Variants in ZNF638 observed in about 807,000 individuals in gnomAD.
The protein encoded by ZNF638 is CTCL tumor antigen se33-1.
In ZNF638, 46 loss-of-function variants were observed where a neutral mutation model predicts 195.6. That is an observed-to-expected ratio of 0.24 (90% CI 0.19 to 0.30). The LOEUF (loss-of-function observed/expected upper bound fraction) is 0.30. Ranked by LOEUF, ZNF638 falls within the 10% of genes least tolerant of loss-of-function variation. ZNF638 has a pLI of 1.00. For synonymous variants in ZNF638, 845 were observed against 772.0 expected (o/e 1.09, Z -1.57); for missense variants, 2,440 against 2,325.3 (o/e 1.05, Z -1.01).
At chr2:71,389,119 C>T (rs929704872) in intron 10 of ZNF638, among the ~76,000 whole-genome samples, 29 of 152,238 alleles carry the variant, frequency 1.9e-4, no homozygotes, top group African/African-American at 5.5e-4. Context: ...ACCTTACCGC[C>T]GCCTCCTCTT....
chr2:71,367,992 G>A (rs1053186107), intron 6 of ZNF638, among the ~76,000 whole-genome samples: 2 of 152,044 alleles, frequency 1.3e-5, no homozygotes, highest in Admixed American at 6.5e-5. Flanking sequence ...GAACAGAGGG[G>A]GTAAGCAAAG....
intron 10 of ZNF638, among the ~76,000 whole-genome samples, chr2:71,391,183 T>C (rs1031465974): frequency 7.2e-5 from 11 of 152,242 alleles, no homozygotes; most frequent in Admixed American, 2.6e-4. Flanking sequence ...ACTTACGGGC[T>C]ATCAGTGGCA....
At chr2:71,432,825 G>A (rs902292344) in intron 26 of ZNF638, among the ~76,000 whole-genome samples, 7 of 152,300 alleles carry the variant, frequency 4.6e-5, no homozygotes, top group Middle Eastern at 6.8e-3. Flanking sequence ...TGGCTCACAC[G>A]TGTAATCCCA....
At chr2:71,376,229 A>T (rs189151141) in intron 8 of ZNF638, 5 of 152,334 alleles carry the variant, frequency 3.3e-5, no homozygotes, top group South Asian at 2.1e-4. Flanking sequence ...GGCAAATATT[A>T]ATGTTCTTCA....
At chr2:71,425,264 T>C (rs971880225) in intron 23 of ZNF638, among the ~76,000 whole-genome samples, 4 of 152,176 alleles carry the variant, frequency 2.6e-5, no homozygotes, top group Non-Finnish European at 5.9e-5. Flanking sequence ...AGGGGATAGA[T>C]TTGGGCCTAT....
chr2:71,404,954 A>G (rs924784621), intron 17 of ZNF638, among the ~76,000 whole-genome samples: 2 of 152,206 alleles, frequency 1.3e-5, no homozygotes, highest in South Asian at 4.1e-4. Flanking sequence ...TTCTAGAGGC[A>G]GGTAGAAATG....
At chr2:71,362,351 C>T (rs1201780446) in intron 3 of ZNF638, among the ~76,000 whole-genome samples, 1 of 152,186 alleles carries the variant, frequency 6.6e-6, no homozygotes, top group Non-Finnish European at 1.5e-5. Context: ...TCTCAGCTCT[C>T]ATCTTTTCCC....
intron 1 of ZNF638, among the ~76,000 whole-genome samples, chr2:71,342,445 T>G (rs2078777878): frequency 6.6e-6 from 1 of 152,122 alleles, no homozygotes; most frequent in Non-Finnish European, 1.5e-5. Flanking sequence ...CAGATTATTT[T>G]AAAGAAAATC....
At chr2:71,346,198 G>A (rs1183753787) in intron 1 of ZNF638, among the ~76,000 whole-genome samples, 1 of 152,198 alleles carries the variant, frequency 6.6e-6, no homozygotes, top group Non-Finnish European at 1.5e-5. Context: ...GTTATAAGAG[G>A]AGTCTTCACC....
At chr2:71,422,739 T>G in intron 21 of ZNF638, 75 bp from the exon 22 acceptor site, 2 of 1,457,824 alleles carry the variant, frequency 1.4e-6, no homozygotes, top group East Asian at 4.8e-5. Flanking sequence ...TTATAATGGT[T>G]GAATTCTCAT....
intron 17 of ZNF638, 34 bp from the exon 18 acceptor site, chr2:71,405,567 A>G (rs2080090474): frequency 4.3e-6 from 6 of 1,387,234 alleles, no homozygotes; most frequent in Non-Finnish European, 6.0e-6. Flanking sequence ...GAAAGAGCTT[A>G]TACCATCAAC....
intron 6 of ZNF638, among the ~76,000 whole-genome samples, chr2:71,366,164 A>G (rs1244697906): frequency 6.6e-6 from 1 of 152,134 alleles, no homozygotes; most frequent in Non-Finnish European, 1.5e-5. Context: ...AGCCAGAGCT[A>G]CGTGGTGGAA....
chr2:71,386,699 C>T (rs150097006), intron 10 of ZNF638, among the ~76,000 whole-genome samples: 3,323 of 151,554 alleles, frequency 0.022, 65 homozygotes, highest in Admixed American at 0.039. Context: ...AAGAAGAGCT[C>T]CTTATGTAAT....
intron 1 of ZNF638, among the ~76,000 whole-genome samples, chr2:71,345,706 T>C (rs1404491354): frequency 6.6e-6 from 1 of 152,128 alleles, no homozygotes; most frequent in Non-Finnish European, 1.5e-5. Flanking sequence ...GATTTTGTCA[T>C]GTTGCCCAGG....
intron 11 of ZNF638, among the ~76,000 whole-genome samples, chr2:71,398,139 G>A (rs2079933083): frequency 6.6e-6 from 1 of 152,104 alleles, no homozygotes; most frequent in Admixed American, 6.5e-5. Context: ...TTAAGTACAG[G>A]TTGAGTATCC....
chr2:71,424,710 A>C lies in ZNF638; in HGVS notation c.4585A>C (p.Lys1529Gln), dbSNP rs777722785. The C allele has an allele frequency of 6.2e-7, 1 of 1,612,626 alleles. No homozygotes were observed. The highest frequency in any genetic ancestry group is 1.3e-5 in the African/African-American group (1 of 74,860). Residue 1529 changes from lysine (K) to glutamine (Q), a missense_variant, in exon 23 of 28, where the codon AAA becomes CAA. Physicochemically the swap from Lys to Gln is moderately conservative, Grantham distance 53. Coordinates refer to ENST00000264447, the MANE Select transcript of ZNF638 (RefSeq NM_014497.5). ...KSTTGRSSKSKEEPLFPFNLD... is the reference protein window; with the variant it reads ...KSTTGRSSKSQEEPLFPFNLD... ...CACTACTGGTAGAAGTTCCAAATCT[A>C]AAGAGGTAAAAAATAGATCACAGAC... is the stretch of plus-strand genomic sequence containing the variant.
intron 10 of ZNF638, chr2:71,388,651 G>A: frequency 1.1e-6 from 1 of 885,050 alleles, no homozygotes. Flanking sequence ...AGCAGCTGGT[G>A]CCCCTCGTGA....
intron 8 of ZNF638, among the ~76,000 whole-genome samples, chr2:71,374,438 C>G (rs1381142168): frequency 6.6e-6 from 1 of 151,900 alleles, no homozygotes; most frequent in Non-Finnish European, 1.5e-5. Context: ...AGTTATTTTT[C>G]TTTGTTTATT....
rs762576536 is a variant in ZNF638, at chr2:71,424,051, G to A, written c.4524+13G>A. 7 of 1,608,020 alleles carry A rather than the reference G, an allele frequency of 4.4e-6. No homozygotes were observed. The African/African-American group carries it at 5.3e-5, about 12-fold the overall frequency. On this transcript the variant is annotated intron_variant, in intron 22 of 27. Coordinates refer to ENST00000264447, the MANE Select transcript of ZNF638 (RefSeq NM_014497.5). The stretch of plus-strand genomic sequence containing the variant: ...CAGCAACAATAAGGTGAGGAGGGTA[G>A]GAAGAATGGCACAGTGTGTCTTTGA...
Sources: allele counts gnomAD v4.1 joint callset (sites outside exome capture counted in the v4.1 genomes callset), GRCh38; gene constraint gnomAD v4.1.1; transcripts MANE v1.5; gene names NCBI Gene and HGNC (gene_info 2026-07-23, HGNC 2026-07-21).